The following DGKI variants were observed in gnomAD, a reference collection of about 807,000 sequenced individuals.
The protein encoded by DGKI is diacylglycerol kinase iota.
A neutral mutation model predicts 147.5 loss-of-function variants in DGKI; 55 were observed. The ratio of observed to expected loss-of-function variants is 0.37; its 90% CI spans 0.30 to 0.47. The LOEUF (loss-of-function observed/expected upper bound fraction) is 0.47. Ranked by LOEUF, DGKI falls within the 20% of genes least tolerant of loss-of-function variation. The pLI, the probability that DGKI is intolerant of heterozygous loss-of-function variation, is 1.00. For missense variants in DGKI, 1,007 were observed against 1,323.8 expected, an observed-to-expected ratio of 0.76 and a Z score of 3.71; for synonymous variants, 469 against 477.1, an observed-to-expected ratio of 0.98 and a Z score of 0.22.
intron 28 of DGKI, among the ~76,000 whole-genome samples, chr7:137,430,776 G>C (rs73459152): frequency 0.082 from 12,526 of 151,996 alleles, 1,487 homozygotes; most frequent in African/African-American, 0.26. Flanking sequence ...CAGCTTAGCA[G>C]AATGAAGGAA....
chr7:137,432,169 T>C (rs1376450118), intron 28 of DGKI, among the ~76,000 whole-genome samples: 2 of 152,154 alleles, frequency 1.3e-5, no homozygotes, highest in Non-Finnish European at 1.5e-5. Context: ...CATCGATGCG[T>C]CCTGTATAGC....
chr7:137,762,443 T>G (rs1026915147), intron 1 of DGKI, among the ~76,000 whole-genome samples: 9 of 152,234 alleles, frequency 5.9e-5, no homozygotes, highest in African/African-American at 1.9e-4. Context: ...CATTCTATAC[T>G]CCAGCAGCAG....
intron 20 of DGKI, among the ~76,000 whole-genome samples, chr7:137,536,561 A>G (rs1394257349): frequency 6.6e-6 from 1 of 152,170 alleles, no homozygotes; most frequent in Non-Finnish European, 1.5e-5. Context: ...AGATTTTCTT[A>G]TGATTCTAAG....
chr7:137,408,312 G>A (rs1374552100), intron 29 of DGKI, among the ~76,000 whole-genome samples: 1 of 152,190 alleles, frequency 6.6e-6, no homozygotes, highest in African/African-American at 2.4e-5. Context: ...GTAGTGAGGG[G>A]TGGAGTGGAG....
chr7:137,438,574 C>A (rs1813371767), intron 28 of DGKI, among the ~76,000 whole-genome samples: 1 of 151,744 alleles, frequency 6.6e-6, no homozygotes, highest in Non-Finnish European at 1.5e-5. Context: ...TAAGCTATTC[C>A]CAGGTTTAAG....
intron 28 of DGKI, among the ~76,000 whole-genome samples, chr7:137,430,035 C>A (rs1812996370): frequency 8.9e-6 from 1 of 112,634 alleles, no homozygotes; most frequent in African/African-American, 3.3e-5. Flanking sequence ...ACCATTTGAC[C>A]CAGCCATCCC....
At chr7:137,697,004 G>T (rs910654833) in intron 1 of DGKI, among the ~76,000 whole-genome samples, 12 of 152,182 alleles carry the variant, frequency 7.9e-5, no homozygotes, top group African/African-American at 2.9e-4. Context: ...GAACACTGAA[G>T]ATTGCCAGCA....
At chr7:137,488,646 G>T (rs1342604691) in intron 21 of DGKI, among the ~76,000 whole-genome samples, 1 of 152,092 alleles carries the variant, frequency 6.6e-6, no homozygotes, top group Non-Finnish European at 1.5e-5. Flanking sequence ...ATAAGACAGT[G>T]GTGTTCTCTA....
chr7:137,808,790 C>A (rs1797462856), intron 1 of DGKI, among the ~76,000 whole-genome samples: 1 of 152,174 alleles, frequency 6.6e-6, no homozygotes, highest in Non-Finnish European at 1.5e-5. Flanking sequence ...AATACACCTG[C>A]AAACCATGAG....
intron 21 of DGKI, among the ~76,000 whole-genome samples, chr7:137,505,444 A>G (rs906151389): frequency 6.6e-6 from 1 of 152,200 alleles, no homozygotes; most frequent in Non-Finnish European, 1.5e-5. Flanking sequence ...TATCTAATTC[A>G]TTCTGTCTTG....
chr7:137,670,556 A>G (rs1383801294), intron 3 of DGKI, among the ~76,000 whole-genome samples: 2 of 152,164 alleles, frequency 1.3e-5, no homozygotes, highest in East Asian at 3.8e-4. Flanking sequence ...CCTCTCTCAT[A>G]TCCACTGACT....
intron 1 of DGKI, among the ~76,000 whole-genome samples, chr7:137,715,951 G>A (rs1794363230): frequency 6.6e-6 from 1 of 152,206 alleles, no homozygotes; most frequent in Non-Finnish European, 1.5e-5. Flanking sequence ...CCAGGGCTGT[G>A]ACGGTGAATG....
At chr7:137,540,855 T>G (rs1361247388) in intron 20 of DGKI, among the ~76,000 whole-genome samples, 1 of 149,256 alleles carries the variant, frequency 6.7e-6, no homozygotes, top group African/African-American at 2.5e-5. Flanking sequence ...TATAAAATCT[T>G]TATGCAAAAA....
At chr7:137,579,021 T>C (rs1819084026) in intron 15 of DGKI, among the ~76,000 whole-genome samples, 2 of 152,342 alleles carry the variant, frequency 1.3e-5, no homozygotes, top group Admixed American at 1.3e-4. Flanking sequence ...AGTTAAATTT[T>C]TAAAAATTCT....
chr7:137,390,915 A>G lies in DGKI; in HGVS notation c.*305T>C. 1 of 346,056 alleles carries G rather than the reference A, an allele frequency of 2.9e-6. No homozygotes were observed. The highest frequency in any genetic ancestry group is 5.3e-6 in the Non-Finnish European group (1 of 187,996). The allele number at this position is 346,056 out of a possible 1,614,324, so 21.4% of individuals were successfully genotyped here. A position where few individuals can be genotyped will look rare whatever the true frequency, so the allele number is the denominator to read the frequency against. On this transcript the variant is annotated 3_prime_UTR_variant, in exon 33 of 33. Coordinates refer to ENST00000614521, the MANE Select transcript of DGKI (RefSeq NM_001321708.2). ...TTATACGAACATCCTTTGAATCTTTAAAATAAATTATACAGGTGAACACAG... is the reference window on the plus strand; with the variant it reads ...TTATACGAACATCCTTTGAATCTTTGAAATAAATTATACAGGTGAACACAG...
In DGKI at chr7:137,740,994, A is replaced by C. The variant is rs558529423; in HGVS notation, c.402-50992T>G. Reference sequence around the variant, plus strand: ...GAGCCTGAATTTCCTCACTGATAAAAAGGGTGGCTAAGTCTTAATTTTTTT... The same window carrying C: ...GAGCCTGAATTTCCTCACTGATAAACAGGGTGGCTAAGTCTTAATTTTTTT... On this transcript the variant is annotated intron_variant, in intron 1 of 32. Transcript: ENST00000614521. Among the ~76,000 whole-genome samples, 3 of 152,298 alleles carry C rather than the reference A, an allele frequency of 2.0e-5. No homozygotes were observed. The South Asian group carries it at 6.2e-4, about 32-fold the overall frequency.
intron 3 of DGKI, among the ~76,000 whole-genome samples, chr7:137,673,383 G>A (rs1040299796): frequency 6.6e-6 from 1 of 152,058 alleles, no homozygotes; most frequent in Non-Finnish European, 1.5e-5. Context: ...CTGTAGATCT[G>A]GTTGTTTGTT....
At chr7:137,696,431 CTTTTTTTTTT>C (rs10609322) in intron 1 of DGKI, among the ~76,000 whole-genome samples, 17 of 36,696 alleles carry the variant, frequency 4.6e-4, no homozygotes, top group East Asian at 2.2e-3. Flanking sequence ...GCCCAAAAGA[CTTTTTTTTTT>C]TTTTTTTTTT....
chr7:137,842,690 T>C lies in DGKI; in HGVS notation c.401+3772A>G, dbSNP rs138709215. ...CATATAAACCTCTAACGAGGATATC[T>C]TCATAGCAGGTGCATGTAGGTGGTT... On this transcript the variant is annotated intron_variant, in intron 1 of 32. Transcript: ENST00000614521. Among the ~76,000 whole-genome samples the C allele has an allele frequency of 4.3e-3, 654 of 152,282 alleles. 5 individuals are homozygous for C. The highest frequency in any genetic ancestry group is 0.015 in the African/African-American group (632 of 41,552).
Sources: gnomAD v4.1 joint callset for allele counts (sites outside exome capture counted in the v4.1 genomes callset) on GRCh38, gnomAD v4.1.1 for gene constraint, MANE v1.5 for transcripts, NCBI Gene and HGNC (gene_info 2026-07-23, HGNC 2026-07-21) for gene names.